The following LOXL2 variants were observed in gnomAD, a reference collection of about 807,000 sequenced individuals.
LOXL2 encodes the protein lysyl oxidase like 2, also known as lysyl oxidase homolog 2.
LOXL2 carries 70 observed loss-of-function variants against 93.0 expected under a neutral mutation model. The ratio of observed to expected loss-of-function variants is 0.75; its 90% CI spans 0.62 to 0.92. The LOEUF is 0.92. Ranked by LOEUF, LOXL2 falls within the 40% of genes least tolerant of loss-of-function variation. The pLI, the probability that LOXL2 is intolerant of heterozygous loss-of-function variation, is 0.00. For missense variants in LOXL2, 973 were observed against 1,054.9 expected (o/e 0.92, Z 1.08); for synonymous variants, 438 against 413.2 (o/e 1.06, Z -0.73).
rs1039297172 is a variant in LOXL2, at chr8:23,385,814, A to C, written c.-83-17380T>G. 1.9e-4 allele frequency: 115 copies of C among 618,402 alleles called. No individual in the cohort carries two copies. The East Asian group carries it at 3.1e-3, about 17-fold the overall frequency. 38.3% of individuals were successfully genotyped at this position (618,402 alleles called of 1,614,324 possible). On this transcript the variant is annotated intron_variant, in intron 1 of 13. Transcript: ENST00000389131. Reference sequence around the variant, plus strand: ...TTAAAGATATATTTTATTTGATGCAATATATTTCAATATGGAATCAATACA... The same window carrying C: ...TTAAAGATATATTTTATTTGATGCACTATATTTCAATATGGAATCAATACA...
At chr8:23,311,565 T>A (rs1465535131) in intron 9 of LOXL2, among the ~76,000 whole-genome samples, 1 of 151,550 alleles carries the variant, frequency 6.6e-6, no homozygotes, top group African/African-American at 2.4e-5. Flanking sequence ...ATCGTTAATG[T>A]ACCATGGTTT....
chr8:23,348,683 C>T (rs911539431), intron 3 of LOXL2, among the ~76,000 whole-genome samples: 3 of 152,086 alleles, frequency 2.0e-5, no homozygotes, highest in African/African-American at 7.2e-5. Context: ...CGAGACCATC[C>T]CTGCTACCAC....
chr8:23,346,129 A>AAAAATAT (rs1803971875), intron 3 of LOXL2, among the ~76,000 whole-genome samples: 1 of 67,796 alleles, frequency 1.5e-5, no homozygotes. Flanking sequence ...AAATAAAATA[A>AAAAATAT]AATAAAATAA....
At chr8:23,345,816 C>T (rs1275122344) in intron 3 of LOXL2, among the ~76,000 whole-genome samples, 2 of 152,084 alleles carry the variant, frequency 1.3e-5, no homozygotes, top group African/African-American at 4.8e-5. Flanking sequence ...CGCCTGTAAT[C>T]CCAGCACTTT....
chr8:23,367,536 C>T (rs1309612757), intron 2 of LOXL2, among the ~76,000 whole-genome samples: 2 of 151,936 alleles, frequency 1.3e-5, no homozygotes, highest in Non-Finnish European at 2.9e-5. Context: ...CAGGGAGCTC[C>T]AGCATGTGGG....
At chr8:23,315,071 G>T (rs1160922107) in intron 9 of LOXL2, among the ~76,000 whole-genome samples, 1 of 152,158 alleles carries the variant, frequency 6.6e-6, no homozygotes, top group Non-Finnish European at 1.5e-5. Flanking sequence ...CTCTGGCTTT[G>T]GGGAGGGGAG....
chr8:23,336,769 C>A (rs1803799613), intron 4 of LOXL2: 1 of 152,194 alleles, frequency 6.6e-6, no homozygotes, highest in South Asian at 2.1e-4. Context: ...TGTTCTGGGT[C>A]TCCTAGAATT....
chr8:23,328,050 T>C (rs1046827748), intron 6 of LOXL2, among the ~76,000 whole-genome samples: 52 of 94,358 alleles, frequency 5.5e-4, no homozygotes, highest in African/African-American at 1.4e-3. Flanking sequence ...CTGAGAACCC[T>C]GGCGTTTTTT....
intron 1 of LOXL2, among the ~76,000 whole-genome samples, chr8:23,403,294 C>T (rs1800175541): frequency 6.6e-6 from 1 of 152,192 alleles, no homozygotes; most frequent in Admixed American, 6.5e-5. Flanking sequence ...GGTCCCTGGT[C>T]CCCGGAGAGG....
intron 9 of LOXL2, 123 bp from the exon 10 acceptor site, chr8:23,310,034 G>A (rs1563186214): frequency 1.9e-6 from 2 of 1,062,872 alleles, no homozygotes. Flanking sequence ...ATGACTCAAG[G>A]GCTCCTCAAG....
chr8:23,351,330 C>T (rs531919955), intron 3 of LOXL2, among the ~76,000 whole-genome samples: 1 of 152,340 alleles, frequency 6.6e-6, no homozygotes, highest in South Asian at 2.1e-4. Context: ...ACCAGACCTC[C>T]CTGCAGAGCG....
chr8:23,381,937 T>C (rs1804686600), intron 1 of LOXL2, among the ~76,000 whole-genome samples: 1 of 152,204 alleles, frequency 6.6e-6, no homozygotes, highest in Non-Finnish European at 1.5e-5. Flanking sequence ...TTAATCAAAA[T>C]GGGTTGGATA....
At chr8:23,374,971 T>A (rs965527819) in intron 1 of LOXL2, among the ~76,000 whole-genome samples, 5 of 152,380 alleles carry the variant, frequency 3.3e-5, no homozygotes, top group Admixed American at 6.5e-5. Context: ...TTGTTAATTT[T>A]GGCTTTTGTT....
chr8:23,327,213 C>G (rs987340546), intron 6 of LOXL2, among the ~76,000 whole-genome samples: 8 of 152,200 alleles, frequency 5.3e-5, no homozygotes, highest in Non-Finnish European at 1.2e-4. Context: ...AAGAACCAAC[C>G]AATGGCACTA....
intron 5 of LOXL2, among the ~76,000 whole-genome samples, chr8:23,333,061 G>A (rs929146798): frequency 2.6e-5 from 4 of 152,048 alleles, no homozygotes; most frequent in African/African-American, 4.8e-5. Flanking sequence ...CAAATGTGTC[G>A]CTGACTGCAT....
intron 1 of LOXL2, among the ~76,000 whole-genome samples, chr8:23,382,777 C>A (rs1804698983): frequency 1.3e-5 from 2 of 152,148 alleles, no homozygotes; most frequent in Admixed American, 6.5e-5. Flanking sequence ...ATCAGTGGTC[C>A]TGGTCCTGAT....
Position 23,403,937 on chromosome 8 carries a change from G to T in LOXL2, c.-84+17C>A. ...CGAACCGCTTCGGGGAGGGGGTGGC[G>T]CGGGAAGCGCTCTTACTTGGTTTCA... On this transcript the variant is annotated intron_variant, in intron 1 of 13. Transcript: ENST00000389131. 6.3e-6 allele frequency: 1 copy of T among 158,938 alleles called. No homozygotes were observed. The highest frequency in any genetic ancestry group is 1.4e-5 in the Non-Finnish European group (1 of 71,746). 9.8% of individuals were successfully genotyped at this position (158,938 alleles called of 1,614,324 possible). A position where few individuals can be genotyped will look rare whatever the true frequency, so the allele number is the denominator to read the frequency against.
intron 10 of LOXL2, among the ~76,000 whole-genome samples, chr8:23,304,062 G>C (rs1048690229): frequency 6.6e-6 from 1 of 152,228 alleles, no homozygotes; most frequent in African/African-American, 2.4e-5. Context: ...AATAAAGCAG[G>C]GAGGAGCAGA....
intron 1 of LOXL2, among the ~76,000 whole-genome samples, chr8:23,372,949 G>A (rs1410964636): frequency 1.3e-5 from 2 of 151,914 alleles, no homozygotes; most frequent in African/African-American, 4.8e-5. Context: ...TATGCTCCAG[G>A]GACACATGGA....
Sources: gnomAD v4.1 joint callset for allele counts (sites outside exome capture counted in the v4.1 genomes callset) on GRCh38, gnomAD v4.1.1 for gene constraint, MANE v1.5 for transcripts, NCBI Gene and HGNC (gene_info 2026-07-23, HGNC 2026-07-21) for gene names.